Variants in CASKIN2 observed in about 807,000 individuals in gnomAD.
CASKIN2 encodes the protein CASK interacting protein 2, also known as caskin-2.
In CASKIN2, 41 loss-of-function variants were observed where a neutral mutation model predicts 107.1. The observed-to-expected ratio is 0.38, with a 90% CI of 0.30 to 0.50. The LOEUF (loss-of-function observed/expected upper bound fraction) is 0.50. Ranked by LOEUF, CASKIN2 falls within the 20% of genes least tolerant of loss-of-function variation. CASKIN2 has a pLI of 0.92. For synonymous variants in CASKIN2, 724 were observed against 705.6 expected (o/e 1.03, Z -0.41); for missense variants, 1,546 against 1,657.4 (o/e 0.93, Z 1.17).
chr17:75,501,906 G>C lies in CASKIN2; in HGVS notation c.3168C>G (p.Ser1056Arg), dbSNP rs1289040364. The change falls in exon 18 of 20, where the codon AGC (serine) becomes AGG (arginine). Residue 1056 changes from serine to arginine, a missense_variant. By Grantham distance (110) the Ser-to-Arg change is moderately radical (BLOSUM62 -1). Around this residue, in one of 6 missense-constraint regions of CASKIN2, gnomAD observed 1,311 missense variants for 1,311.0 expected, o/e 1.00. Coordinates refer to ENST00000321617, the MANE Select transcript of CASKIN2 (RefSeq NM_020753.5). ...GCGGCACTGGAGGCTGCATGGCGGG[G>C]CTGGGAGCAAGGGGGGTTGGAACTC... ...AQGVPTPLAPSPAMQPPVPPC... is the reference protein window; with the variant it reads ...AQGVPTPLAPRPAMQPPVPPC... The C allele has an allele frequency of 6.4e-7, 1 of 1,574,504 alleles. No homozygotes were observed.
At position 75,503,957 on chromosome 17, in the gene CASKIN2, C is replaced by T. The variant is rs576803188; in HGVS notation, c.1473G>A (p.Ala491=). The change falls in exon 15 of 20, where the codon GCG becomes GCA. Residue 491 remains alanine, a synonymous_variant. Transcript: ENST00000321617. Reference sequence around the variant, plus strand: ...CGCTTAGCCAGTTATGAATGGCCTGCGCGTCCTGCGGGGTGGGGGAAGGGG... The same window carrying T: ...CGCTTAGCCAGTTATGAATGGCCTGTGCGTCCTGCGGGGTGGGGGAAGGGG... ...RPEQLLEGKD[A]QAIHNWLSEF... 8.1e-6 allele frequency: 13 copies of T among 1,610,494 alleles called. No homozygotes were observed. Among genetic ancestry groups the T allele is most frequent in the South Asian group, 3.3e-5 (3 of 90,656 alleles).
In CASKIN2 at chr17:75,501,995, G is replaced by C. The variant is rs769920480; in HGVS notation, c.3079C>G (p.Pro1027Ala). The C allele has an allele frequency of 6.2e-7, 1 of 1,612,698 alleles. No individual in the cohort carries two copies. The highest frequency in any genetic ancestry group is 2.2e-5 in the East Asian group (1 of 44,870). ...CTAGAAGCTGGAGGAGACTCGCCAGGAGTTGGGGAAGGCAGTGGGGCAGCG... is the reference window on the plus strand; with the variant it reads ...CTAGAAGCTGGAGGAGACTCGCCAGCAGTTGGGGAAGGCAGTGGGGCAGCG... ...GPAAPLPSPT[P>A]GESPPASSLP... Residue 1027 changes from proline to alanine, a missense_variant, in exon 18 of 20, where the codon CCT (proline) becomes GCT (alanine). By Grantham distance (27) the Pro-to-Ala change is conservative (BLOSUM62 -1). Coordinates refer to ENST00000321617, the MANE Select transcript of CASKIN2 (RefSeq NM_020753.5).
rs1014276063 is a variant in CASKIN2 at position 75,505,259 on chromosome 17, T to C, written c.931-186A>G. On this transcript the variant is annotated intron_variant, in intron 10 of 19. Coordinates refer to ENST00000321617, the MANE Select transcript of CASKIN2 (RefSeq NM_020753.5). This position sits in a 1 kb window ranked among gnomAD's most constrained non-coding sequence, Gnocchi z 5.1. The stretch of plus-strand genomic sequence containing the variant: ...TGCCAGCAGCCAGCTCAATCTCCCC[T>C]GTGCCTCCAGGGCGAGCCCCAGTGG... The C allele has an allele frequency of 4.2e-6, 3 of 706,898 alleles. No homozygotes were observed. Among genetic ancestry groups the C allele is most frequent in the Non-Finnish European group, 7.0e-6 (3 of 426,310 alleles). The allele number at this position is 706,898 out of a possible 1,614,324, so 43.8% of individuals were successfully genotyped here. A position where few individuals can be genotyped will look rare whatever the true frequency, so the allele number is the denominator to read the frequency against.
At position 75,505,821 on chromosome 17, in the gene CASKIN2, C is replaced by T; in HGVS notation, c.835G>A (p.Glu279Lys). 1 of 1,612,926 alleles carries T rather than the reference C, an allele frequency of 6.2e-7. No individual in the cohort carries two copies. Among genetic ancestry groups the T allele is most frequent in the Non-Finnish European group, 8.5e-7 (1 of 1,179,858 alleles). ...ASREIKQLLR[E>K]ASGILKVRAL... ...GCAGGGTATCCTCCCCCGCACTCAC[C>T]CCGCAGTAGCTGCTTGATTTCCCGG... Residue 279 changes from glutamate to lysine, a missense_variant and splice_region_variant, in exon 9 of 20, where the codon GAG (glutamate) becomes AAG (lysine). This residue lies in a region of CASKIN2 where 1,311 missense variants were observed against 1,311.0 expected (regional missense o/e 1.00). Coordinates refer to ENST00000321617, the MANE Select transcript of CASKIN2 (RefSeq NM_020753.5). The surrounding 1 kb of genome is among the most constrained non-coding windows in gnomAD (Gnocchi z 5.1).
Position 75,506,341 on chromosome 17 carries a change from C to G in CASKIN2, c.690G>C (p.Leu230=). ...KTGTALHEAA[L]YGKTEVVRLL... ...GCCGCACCACCTCGGTCTTGCCATA[C>G]AGTGCGGCCTCGTGGAGCGCCGTAC... The change falls in exon 8 of 20, where the codon CTG becomes CTC. Residue 230 remains leucine (L), a synonymous_variant. Transcript: ENST00000321617. This position sits in a 1 kb window ranked among gnomAD's most constrained non-coding sequence, Gnocchi z 4.8. 1 of 1,612,202 alleles carries G rather than the reference C, an allele frequency of 6.2e-7. No individual in the cohort carries two copies. The highest frequency in any genetic ancestry group is 2.2e-5 in the East Asian group (1 of 44,866).
intron 1 of CASKIN2, chr17:75,515,107 G>C (rs1318619406): frequency 6.6e-6 from 1 of 152,348 alleles, no homozygotes; most frequent in Non-Finnish European, 1.5e-5. Flanking sequence ...ACGGGCGGAG[G>C]GCGCCCTTGG....
At chr17:75,514,982 CAG>C (rs1441952782) in intron 1 of CASKIN2, among the ~76,000 whole-genome samples, 3 of 150,580 alleles carry the variant, frequency 2.0e-5, no homozygotes, top group South Asian at 2.1e-4. Flanking sequence ...AATTTACTGC[CAG>C]AGTCTTGTGG....
At chr17:75,509,899 A>C in intron 2 of CASKIN2, 1 of 985,874 alleles carries the variant, frequency 1.0e-6, no homozygotes, top group Admixed American at 6.1e-5. Flanking sequence ...TGTGACAGGC[A>C]GGACAGGAAC....
chr17:75,513,750 C>A lies in CASKIN2; in HGVS notation c.55G>T (p.Val19Leu), dbSNP rs2053333789. 1 of 1,613,770 alleles carries A rather than the reference C, an allele frequency of 6.2e-7. No homozygotes were observed. Among genetic ancestry groups the A allele is most frequent in the Admixed American group, 1.7e-5 (1 of 60,002 alleles). Residue 19 changes from valine (V) to leucine (L), a missense_variant, in exon 2 of 20, where the codon GTG (valine) becomes TTG (leucine). Transcript: ENST00000321617. Reference sequence around the variant, plus strand: ...TTGACCTTCGCCACCAGTTTCTGCACACCGGTCACATCTCCATTCTTGACG... The same window carrying A: ...TTGACCTTCGCCACCAGTTTCTGCAAACCGGTCACATCTCCATTCTTGACG... ...LAVKNGDVTG[V>L]QKLVAKVKAT...
At position 75,501,062 on chromosome 17, in the gene CASKIN2, T is replaced by C. The variant is rs1479380967; in HGVS notation, c.*18A>G. ...GGCAGTGGACTTCGGCAGGTCACAG[T>C]GGGCACTGCTGGAGGGCTCAGTCCA... is the stretch of plus-strand genomic sequence containing the variant. On this transcript the variant is annotated 3_prime_UTR_variant, in exon 20 of 20. Coordinates refer to ENST00000321617, the MANE Select transcript of CASKIN2 (RefSeq NM_020753.5). 20 of 1,557,480 alleles carry C rather than the reference T, an allele frequency of 1.3e-5. No individual in the cohort carries two copies. The highest frequency in any genetic ancestry group is 1.6e-5 in the Non-Finnish European group (18 of 1,150,716).
At position 75,503,080 on chromosome 17, in the gene CASKIN2, AGGAGCCGTG is replaced by A. The variant is rs896767398; in HGVS notation, c.1985_1993del (p.Pro662_Leu664del). On this transcript the variant is annotated inframe_deletion, in exon 18 of 20. Transcript: ENST00000321617. ...GCTTAGTTCGCTGCCCTGGAAGGTGAGGAGCCGTGGGCCAGCTGTAGCTGGGCCTTCTCC... is the reference window on the plus strand; with the variant it reads ...GCTTAGTTCGCTGCCCTGGAAGGTGAGGCCAGCTGTAGCTGGGCCTTCTCC... 6.2e-7 allele frequency: 1 copy of A among 1,607,130 alleles called. No individual in the cohort carries two copies. Among genetic ancestry groups the A allele is most frequent in the African/African-American group, 1.3e-5 (1 of 74,838 alleles).
rs755152685 is a variant in CASKIN2, at chr17:75,501,936, G to T, written c.3138C>A (p.Ala1046=). 1 of 1,597,634 alleles carries T rather than the reference G, an allele frequency of 6.3e-7. No homozygotes were observed. The highest frequency in any genetic ancestry group is 1.7e-5 in the Admixed American group (1 of 58,982). The change falls in exon 18 of 20, where the codon GCC becomes GCA. Residue 1046 remains alanine (A), a synonymous_variant. Transcript: ENST00000321617. ...GAGCAAGGGGGGTTGGAACTCCTTG[G>T]GCTGGAAGGCTGCTGGGCTCGGGCT... ...LPQPEPSSLP[A]QGVPTPLAPS...
Position 75,506,918 on chromosome 17 carries a change from G to A in CASKIN2, c.391-24C>T. On this transcript the variant is annotated intron_variant, in intron 5 of 19. Coordinates refer to ENST00000321617, the MANE Select transcript of CASKIN2 (RefSeq NM_020753.5). The surrounding 1 kb of genome is among the most constrained non-coding windows in gnomAD (Gnocchi z 4.8). The stretch of plus-strand genomic sequence containing the variant: ...GACTGGGGTTGGGGGAGCCGAGTGA[G>A]GGGGCCTGGCCTGTCCGGCACCCCA... 3 of 1,611,048 alleles carry A rather than the reference G, an allele frequency of 1.9e-6. No individual in the cohort carries two copies. Among genetic ancestry groups the A allele is most frequent in the Non-Finnish European group, 2.5e-6 (3 of 1,178,620 alleles).
At position 75,505,116 on chromosome 17, in the gene CASKIN2, C is replaced by T. The variant is rs546921989; in HGVS notation, c.931-43G>A. ...GGGCGGGGACGGTCACTCCCAGCAC[C>T]AGGCAAGTGGCAAACGGTTGTCCCT... On this transcript the variant is annotated intron_variant, in intron 10 of 19. Transcript: ENST00000321617. The surrounding 1 kb of genome is among the most constrained non-coding windows in gnomAD (Gnocchi z 5.1). 1.4e-5 allele frequency: 22 copies of T among 1,597,090 alleles called. 1 individual carries two copies. In the South Asian group the frequency reaches 2.2e-4, roughly 16 times the overall value.
intron 2 of CASKIN2, among the ~76,000 whole-genome samples, chr17:75,510,623 C>T (rs1172669090): frequency 1.3e-5 from 2 of 152,130 alleles, no homozygotes; most frequent in African/African-American, 4.8e-5. Context: ...CAGGGTCTTG[C>T]TCTGCTGCCC....
chr17:75,514,342 G>A (rs1376017590), intron 1 of CASKIN2, 134 bp from the exon 2 acceptor site: 1 of 397,676 alleles, frequency 2.5e-6, no homozygotes, highest in Non-Finnish European at 4.4e-6. Flanking sequence ...CGGAGTCGAT[G>A]GTGATGCTGA....
rs569052453 is a variant in CASKIN2 at position 75,506,214 on chromosome 17, G to C, written c.726+91C>G. ...CTGACGCCCATGCAAAAACCACGCT[G>C]GAGTCCTCCGTCCCGTACCTCCCCA... is the stretch of plus-strand genomic sequence containing the variant. On this transcript the variant is annotated intron_variant, in intron 8 of 19. Coordinates refer to ENST00000321617, the MANE Select transcript of CASKIN2 (RefSeq NM_020753.5). The surrounding 1 kb of genome is among the most constrained non-coding windows in gnomAD (Gnocchi z 4.8). 7.9e-6 allele frequency: 9 copies of C among 1,140,174 alleles called. No individual in the cohort carries two copies. The South Asian group carries it at 8.2e-5, about 10-fold the overall frequency. 70.6% of individuals were successfully genotyped at this position (1,140,174 alleles called of 1,614,324 possible).
Position 75,502,855 on chromosome 17 carries a change from G to A in CASKIN2, c.2219C>T (p.Pro740Leu). Residue 740 changes from proline (P) to leucine (L), a missense_variant, in exon 18 of 20, where the codon CCT (proline) becomes CTT (leucine). Around this residue, in one of 6 missense-constraint regions of CASKIN2, gnomAD observed 1,311 missense variants for 1,311.0 expected, o/e 1.00. Coordinates refer to ENST00000321617, the MANE Select transcript of CASKIN2 (RefSeq NM_020753.5). This position sits in a 1 kb window ranked among gnomAD's most constrained non-coding sequence, Gnocchi z 4.3. ...GCCAGGAAGTGAAGAACAAAGCTTA[G>A]GGGGCCGCTCTGTGCCCTCTGGGAG... is the stretch of plus-strand genomic sequence containing the variant. ...RNLPEGTERP[P>L]KLCSSLPGQG... 6.5e-7 allele frequency: 1 copy of A among 1,550,100 alleles called. No individual in the cohort carries two copies. The highest frequency in any genetic ancestry group is 8.7e-7 in the Non-Finnish European group (1 of 1,148,056).
Position 75,502,798 on chromosome 17 carries a change from G to T in CASKIN2, c.2276C>A (p.Pro759His). 2 of 1,584,990 alleles carry T rather than the reference G, an allele frequency of 1.3e-6. No homozygotes were observed. Among genetic ancestry groups the T allele is most frequent in the African/African-American group, 1.3e-5 (1 of 74,082 alleles). The change falls in exon 18 of 20, where the codon CCC (proline) becomes CAC (histidine). Residue 759 changes from proline (P) to histidine (H), a missense_variant. Pro to His is a moderately conservative substitution (Grantham distance 77, BLOSUM62 -2). Coordinates refer to ENST00000321617, the MANE Select transcript of CASKIN2 (RefSeq NM_020753.5). This position sits in a 1 kb window ranked among gnomAD's most constrained non-coding sequence, Gnocchi z 4.3. ...GGCCGGGCTAGAGGGTGAGCCCTGG[G>T]GGTACATAAAAACATAGGGTGGGGG... ...QGPPPYVFMYPQGSPSSPAPG... is the reference protein window; with the variant it reads ...QGPPPYVFMYHQGSPSSPAPG...
Sources: allele counts gnomAD v4.1 joint callset (sites outside exome capture counted in the v4.1 genomes callset), GRCh38; gene constraint gnomAD v4.1.1; regional missense constraint gnomAD v4.1.1; non-coding constraint Gnocchi (gnomAD v3.1); transcripts MANE v1.5; gene names NCBI Gene and HGNC (gene_info 2026-07-23, HGNC 2026-07-21).